The following GABRA1 variants were observed in gnomAD, a reference collection of about 807,000 sequenced individuals.
GABRA1 encodes the protein gamma-aminobutyric acid type A receptor subunit alpha1, also known as gamma-aminobutyric acid receptor subunit alpha-1.
In GABRA1, 9 loss-of-function variants were observed where a neutral mutation model predicts 48.9. The ratio of observed to expected loss-of-function variants is 0.18; its 90% CI spans 0.11 to 0.32. The LOEUF is 0.32. Ranked by LOEUF, GABRA1 falls within the 10% of genes least tolerant of loss-of-function variation. The pLI, the probability that GABRA1 is intolerant of heterozygous loss-of-function variation, is 1.00. For missense variants in GABRA1, 285 were observed against 553.8 expected (o/e 0.51, Z 4.87); for synonymous variants, 210 against 198.7 (o/e 1.06, Z -0.48).
chr5:161,866,807 A>C (rs1753880883), intron 4 of GABRA1, among the ~76,000 whole-genome samples: 1 of 152,132 alleles, frequency 6.6e-6, no homozygotes, highest in African/African-American at 2.4e-5. Context: ...CCAAGAGGAT[A>C]ATCAGATATT....
At chr5:161,868,573 A>G (rs953053787) in intron 4 of GABRA1, among the ~76,000 whole-genome samples, 2 of 152,090 alleles carry the variant, frequency 1.3e-5, no homozygotes, top group African/African-American at 4.8e-5. Flanking sequence ...AAAACATCAC[A>G]CACTGATGGC....
intron 3 of GABRA1, among the ~76,000 whole-genome samples, chr5:161,856,825 C>T (rs1000774101): frequency 3.3e-5 from 5 of 151,036 alleles, no homozygotes; most frequent in African/African-American, 9.7e-5. Context: ...ATACTAAGTA[C>T]AGTTTTAAGA....
chr5:161,858,117 G>A (rs1417307329), intron 3 of GABRA1, among the ~76,000 whole-genome samples: 1 of 151,518 alleles, frequency 6.6e-6, no homozygotes, highest in Non-Finnish European at 1.5e-5. Flanking sequence ...TCATGAGCCT[G>A]GGGAGACTCA....
intron 7 of GABRA1, among the ~76,000 whole-genome samples, chr5:161,890,212 G>A (rs954116665): frequency 6.6e-6 from 1 of 151,912 alleles, no homozygotes; most frequent in Admixed American, 6.6e-5. Flanking sequence ...CTAGGAATTG[G>A]GACAAACTCA....
intron 8 of GABRA1, among the ~76,000 whole-genome samples, chr5:161,894,156 A>T (rs987548436): frequency 6.6e-6 from 1 of 152,178 alleles, no homozygotes; most frequent in Admixed American, 6.6e-5. Flanking sequence ...TAAACACTTC[A>T]TTGCATTACC....
chr5:161,864,192 A>G (rs1757965702), intron 3 of GABRA1, among the ~76,000 whole-genome samples: 1 of 152,030 alleles, frequency 6.6e-6, no homozygotes, highest in Non-Finnish European at 1.5e-5. Context: ...AGTTTGAAGT[A>G]AATTAATTTT....
At chr5:161,890,722 T>G (rs1755051105) in intron 7 of GABRA1, among the ~76,000 whole-genome samples, 176 bp from the exon 8 acceptor site, 1 of 152,138 alleles carries the variant, frequency 6.6e-6, no homozygotes, top group South Asian at 2.1e-4. Context: ...CATTTTACTG[T>G]GTGTTAAGTA....
rs1402107983 is a variant in GABRA1, at chr5:161,865,759, A to G, written c.226A>G (p.Ser76Gly). Reference protein sequence around the residue: ...TEVKTDIFVTSFGPVSDHDME... With the variant: ...TEVKTDIFVTGFGPVSDHDME... Reference sequence around the variant, plus strand: ...AGTGAAGACTGATATCTTCGTCACCAGTTTCGGACCCGTTTCAGACCATGA... The same window carrying G: ...AGTGAAGACTGATATCTTCGTCACCGGTTTCGGACCCGTTTCAGACCATGA... The change falls in exon 4 of 10, where the codon AGT becomes GGT. Residue 76 changes from serine (S) to glycine (G), a missense_variant. Ser to Gly is a moderately conservative substitution (Grantham distance 56). Transcript: ENST00000393943. 6.2e-7 allele frequency: 1 copy of G among 1,612,982 alleles called. No homozygotes were observed. Among genetic ancestry groups the G allele is most frequent in the Non-Finnish European group, 8.5e-7 (1 of 1,179,180 alleles).
chr5:161,890,307 A>T (rs1415083542), intron 7 of GABRA1, among the ~76,000 whole-genome samples: 1 of 152,134 alleles, frequency 6.6e-6, no homozygotes, highest in African/African-American at 2.4e-5. Context: ...TGCATTCTTC[A>T]AAAGTTTCCC....
At chr5:161,874,022 TG>T (rs1478420157) in intron 5 of GABRA1, among the ~76,000 whole-genome samples, 1 of 152,310 alleles carries the variant, frequency 6.6e-6, no homozygotes, top group Non-Finnish European at 1.5e-5. Context: ...TCCTCATTTA[TG>T]AGAAATTAAG....
chr5:161,885,484 A>G (rs1220937116), intron 7 of GABRA1, among the ~76,000 whole-genome samples: 1 of 152,170 alleles, frequency 6.6e-6, no homozygotes, highest in Non-Finnish European at 1.5e-5. Context: ...AGAATCATTC[A>G]ATCCCCTTGG....
rs571877682 is a variant in GABRA1 at position 161,863,717 on chromosome 5, G to A, written c.188-2004G>A. Among the ~76,000 whole-genome samples the A allele has an allele frequency of 1.4e-4, 21 of 151,864 alleles. 1 individual carries two copies. The Middle Eastern group carries it at 0.01, about 74-fold the overall frequency. ...GAAAGGAAATTTTACTTGTTTTCAT[G>A]TCTTTCTGAGTTTTTTAAACTTATA... is the stretch of plus-strand genomic sequence containing the variant. On this transcript the variant is annotated intron_variant, in intron 3 of 9. Coordinates refer to ENST00000393943, the MANE Select transcript of GABRA1 (RefSeq NM_001127644.2).
intron 4 of GABRA1, among the ~76,000 whole-genome samples, chr5:161,872,799 T>C (rs771664988): frequency 1.3e-5 from 2 of 152,202 alleles, no homozygotes; most frequent in African/African-American, 4.8e-5. Context: ...TGATATATTC[T>C]ATTTCTTCTA....
chr5:161,849,272 C>A (rs1757346147), intron 1 of GABRA1, among the ~76,000 whole-genome samples: 1 of 152,092 alleles, frequency 6.6e-6, no homozygotes, highest in Non-Finnish European at 1.5e-5. Flanking sequence ...GATATTCAAT[C>A]TTTTTAAAAA....
chr5:161,868,942 C>T (rs1753992580), intron 4 of GABRA1, among the ~76,000 whole-genome samples: 1 of 152,166 alleles, frequency 6.6e-6, no homozygotes, highest in African/African-American at 2.4e-5. Flanking sequence ...ACAATATTCC[C>T]TATTGCCTAA....
chr5:161,872,703 G>T (rs1273537129), intron 4 of GABRA1, among the ~76,000 whole-genome samples: 1 of 151,974 alleles, frequency 6.6e-6, no homozygotes, highest in Non-Finnish European at 1.5e-5. Context: ...AAAACACTAG[G>T]CTTTATCTTT....
chr5:161,893,919 T>C (rs1296821329), intron 8 of GABRA1, among the ~76,000 whole-genome samples: 1 of 152,218 alleles, frequency 6.6e-6, no homozygotes, highest in Non-Finnish European at 1.5e-5. Context: ...GAATTGTATT[T>C]TCCTATGGCA....
chr5:161,850,584 T>A (rs1757401281), intron 1 of GABRA1: 1 of 601,292 alleles, frequency 1.7e-6, no homozygotes, highest in South Asian at 2.0e-5. Flanking sequence ...TACAGGAGAA[T>A]AAGGACACTG....
chr5:161,853,968 T>C (rs1412455206), intron 2 of GABRA1, among the ~76,000 whole-genome samples, 190 bp from the exon 3 acceptor site: 2 of 151,796 alleles, frequency 1.3e-5, no homozygotes, highest in Non-Finnish European at 3.0e-5. Flanking sequence ...ATTTAAAAAC[T>C]GAAAATTAAA....
Sources: allele counts gnomAD v4.1 joint callset (sites outside exome capture counted in the v4.1 genomes callset), GRCh38; gene constraint gnomAD v4.1.1; transcripts MANE v1.5; gene names NCBI Gene and HGNC (gene_info 2026-07-23, HGNC 2026-07-21).